ASTL: variants seen among roughly 807,000 people sequenced by gnomAD.
The protein encoded by ASTL is astacin like metalloendopeptidase.
In ASTL, 27 loss-of-function variants were observed where a neutral mutation model predicts 36.7. The ratio of observed to expected loss-of-function variants is 0.73; its 90% CI spans 0.54 to 1.01. ASTL has a LOEUF of 1.01. Among genes scored for constraint, ASTL ranks in the 50% least tolerant of loss-of-function variants. The pLI, the probability that ASTL is intolerant of heterozygous loss-of-function variation, is 0.00. For missense variants in ASTL, 524 were observed against 572.8 expected, an observed-to-expected ratio of 0.91 and a Z score of 0.87; for synonymous variants, 222 against 228.1, an observed-to-expected ratio of 0.97 and a Z score of 0.24.
intron 6 of ASTL, among the ~76,000 whole-genome samples, chr2:96,130,877 A>T (rs1362416747): frequency 6.6e-6 from 1 of 152,234 alleles, no homozygotes; most frequent in Non-Finnish European, 1.5e-5. Context: ...TAAGTAGTAT[A>T]TTCATTTGGT....
Position 96,124,647 on chromosome 2 carries a change from C to G in ASTL, c.875-376G>C, listed in dbSNP as rs1473101002. 7.2e-5 allele frequency among the ~76,000 whole-genome samples: 11 copies of G among 152,172 alleles called. No individual in the cohort carries two copies. The highest frequency in any genetic ancestry group is 2.7e-4 in the African/African-American group (11 of 41,416). Reference sequence around the variant, plus strand: ...CCACTTGCCCCGAACCCAAGACCTCCCCTAGAACTGTTCCTGCACTTAATG... The same window carrying G: ...CCACTTGCCCCGAACCCAAGACCTCGCCTAGAACTGTTCCTGCACTTAATG... On this transcript the variant is annotated intron_variant, in intron 8 of 8. Coordinates refer to ENST00000342380, the MANE Select transcript of ASTL (RefSeq NM_001002036.4). This position sits in a 1 kb window ranked among gnomAD's most constrained non-coding sequence, Gnocchi z 4.1.
intron 6 of ASTL, among the ~76,000 whole-genome samples, chr2:96,131,056 T>C: frequency 6.6e-6 from 1 of 152,188 alleles, no homozygotes; most frequent in Non-Finnish European, 1.5e-5. Context: ...GGAACAAATA[T>C]GTTCTCATTT....
At chr2:96,131,895 A>G (rs965282189) in intron 6 of ASTL, among the ~76,000 whole-genome samples, 3 of 152,078 alleles carry the variant, frequency 2.0e-5, no homozygotes, top group Admixed American at 6.5e-5. Context: ...CAGACCATCA[A>G]GCCCACAATG....
rs567859606 is a variant in ASTL at position 96,132,300 on chromosome 2, C to T, written c.637+240G>A. 2.6e-5 allele frequency among the ~76,000 whole-genome samples: 4 copies of T among 152,288 alleles called. No individual in the cohort carries two copies. Among genetic ancestry groups the T allele is most frequent in the East Asian group, 1.9e-4 (1 of 5,180 alleles). ...AGAAGCGAGACAAAGCAGGTGGTGG[C>T]GCCCTAGCTAAGGCACAACTACAGG... On this transcript the variant is annotated intron_variant, in intron 6 of 8. Transcript: ENST00000342380. This position sits in a 1 kb window ranked among gnomAD's most constrained non-coding sequence, Gnocchi z 5.4.
At chr2:96,133,167 C>G (rs1327846654) in intron 5 of ASTL, among the ~76,000 whole-genome samples, 1 of 152,206 alleles carries the variant, frequency 6.6e-6, no homozygotes, top group African/African-American at 2.4e-5. Context: ...GTCTGCCCCG[C>G]AAAACCTCCT....
chr2:96,132,600 C>T lies in ASTL; in HGVS notation c.577G>A (p.Glu193Lys), dbSNP rs746895908. The T allele has an allele frequency of 3.1e-6, 5 of 1,612,934 alleles. No homozygotes were observed. The highest frequency in any genetic ancestry group is 4.2e-6 in the Non-Finnish European group (5 of 1,179,228). Residue 193 changes from glutamate (E) to lysine (K), a missense_variant, in exon 6 of 9, where the codon GAG becomes AAG. Physicochemically the swap from Glu to Lys is moderately conservative, Grantham distance 56 (BLOSUM62 1). Coordinates refer to ENST00000342380, the MANE Select transcript of ASTL (RefSeq NM_001002036.4). This position sits in a 1 kb window ranked among gnomAD's most constrained non-coding sequence, Gnocchi z 5.4. ...ELMHVLGFWH[E>K]HTRADRDRYI... Reference sequence around the variant, plus strand: ...CGGTCCCGGTCGGCCCGCGTGTGCTCGTGCCAGAAGCCCAGCACATGCATG... The same window carrying T: ...CGGTCCCGGTCGGCCCGCGTGTGCTTGTGCCAGAAGCCCAGCACATGCATG...
intron 8 of ASTL, among the ~76,000 whole-genome samples, chr2:96,126,175 TC>T (rs1471862357): frequency 3.9e-5 from 6 of 152,180 alleles, no homozygotes; most frequent in African/African-American, 1.4e-4. Flanking sequence ...CAGTTGGACT[TC>T]CAAATTTAAG....
At position 96,132,680 on chromosome 2, in the gene ASTL, A is replaced by G. The variant is rs769572571; in HGVS notation, c.497T>C (p.Val166Ala). 2 of 1,612,956 alleles carry G rather than the reference A, an allele frequency of 1.2e-6. No homozygotes were observed. The highest frequency in any genetic ancestry group is 3.3e-5 in the Admixed American group (2 of 59,990). Residue 166 changes from valine to alanine, a missense_variant, in exon 6 of 9, where the codon GTC becomes GCC. Coordinates refer to ENST00000342380, the MANE Select transcript of ASTL (RefSeq NM_001002036.4). This position sits in a 1 kb window ranked among gnomAD's most constrained non-coding sequence, Gnocchi z 5.4. ...SVGRSGGMQV[V>A]SLAPTCLQKG... ...CTGGAGACACGTGGGCGCCAGGGAG[A>G]CCACCTGCATCCCTCCACTGCGCCC...
At chr2:96,131,639 G>A (rs756447787) in intron 6 of ASTL, among the ~76,000 whole-genome samples, 17 of 151,984 alleles carry the variant, frequency 1.1e-4, no homozygotes, top group Non-Finnish European at 1.9e-4. Flanking sequence ...CACGTGCCCC[G>A]TCACCCCTTT....
In ASTL at chr2:96,123,527, C is replaced by A. The variant is rs1297789888; in HGVS notation, c.*323G>T. Among the ~76,000 whole-genome samples, 1 of 152,166 alleles carries A rather than the reference C, an allele frequency of 6.6e-6. No individual in the cohort carries two copies. The highest frequency in any genetic ancestry group is 2.4e-5 in the African/African-American group (1 of 41,434). On this transcript the variant is annotated 3_prime_UTR_variant, in exon 9 of 9. Transcript: ENST00000342380. ...ATTCCAGGGTTCTGCGGGGCTGGAA[C>A]CTACCTCTTCCCCACCCCTTCCAGG...
Position 96,123,927 on chromosome 2 carries a change from C to G in ASTL, c.1219G>C (p.Val407Leu). The change falls in exon 9 of 9, where the codon GTC becomes CTC. Residue 407 changes from valine (V) to leucine (L), a missense_variant. Coordinates refer to ENST00000342380, the MANE Select transcript of ASTL (RefSeq NM_001002036.4). ...VPSSEAGIQP[V>L]PVQGSPALPG... ...AGAGCTGGGCTTCCCTGGACAGGGA[C>G]TGGCTGGATTCCTGCTTCTGAAGAT... 1 of 1,614,000 alleles carries G rather than the reference C, an allele frequency of 6.2e-7. No individual in the cohort carries two copies. The highest frequency in any genetic ancestry group is 8.5e-7 in the Non-Finnish European group (1 of 1,179,944).
chr2:96,127,163 T>C (rs748993766), intron 8 of ASTL, among the ~76,000 whole-genome samples: 12 of 152,182 alleles, frequency 7.9e-5, no homozygotes, highest in Non-Finnish European at 1.6e-4. Context: ...ATTCCACTTA[T>C]GGGAAATGTC....
chr2:96,130,300 C>T (rs1196191453), intron 6 of ASTL, among the ~76,000 whole-genome samples, 155 bp from the exon 7 acceptor site: 1 of 152,196 alleles, frequency 6.6e-6, no homozygotes, highest in African/African-American at 2.4e-5. Flanking sequence ...ACCAGTCCCA[C>T]TTTCCCAGCC....
rs911991613 is a variant in ASTL at position 96,124,719 on chromosome 2, C to T, written c.875-448G>A. Among the ~76,000 whole-genome samples, 28 of 152,168 alleles carry T rather than the reference C, an allele frequency of 1.8e-4. No individual in the cohort carries two copies. Among genetic ancestry groups the T allele is most frequent in the Non-Finnish European group, 3.5e-4 (24 of 68,016 alleles). ...GTGCCAGGAGGTAGGTTGGGGCTTC[C>T]TTGTTCTTCACTGTCATGCCAGACT... On this transcript the variant is annotated intron_variant, in intron 8 of 8. Transcript: ENST00000342380. This position sits in a 1 kb window ranked among gnomAD's most constrained non-coding sequence, Gnocchi z 4.1.
chr2:96,124,271 C>T lies in ASTL; in HGVS notation c.875G>A (p.Gly292Glu). ...CCTACCAGTGCTGTGGGCATGGGAC[C>T]CTGCAACAGAAAAGACAGGAGGTGG... ...SPSGPRPRGRGSHAHSTGRSP... is the reference protein window; with the variant it reads ...SPSGPRPRGRESHAHSTGRSP... Residue 292 changes from glycine (G) to glutamate (E), a missense_variant and splice_region_variant, in exon 9 of 9, where the codon GGG (glycine) becomes GAG (glutamate). By Grantham distance (98) the Gly-to-Glu change is moderately conservative. Transcript: ENST00000342380. The surrounding 1 kb of genome is among the most constrained non-coding windows in gnomAD (Gnocchi z 4.1). 3.3e-6 allele frequency: 5 copies of T among 1,503,922 alleles called. No homozygotes were observed. The highest frequency in any genetic ancestry group is 4.4e-6 in the Non-Finnish European group (5 of 1,127,674). 93.2% of individuals were successfully genotyped at this position (1,503,922 alleles called of 1,614,324 possible).
intron 1 of ASTL, 84 bp downstream of exon 1, chr2:96,138,298 C>T: frequency 7.8e-7 from 1 of 1,285,646 alleles, no homozygotes; most frequent in African/African-American, 1.5e-5. Flanking sequence ...ACAATCCCTG[C>T]AGGCTCCAGC....
chr2:96,128,388 C>A (rs1237844595), intron 8 of ASTL, among the ~76,000 whole-genome samples: 1 of 152,192 alleles, frequency 6.6e-6, no homozygotes, highest in African/African-American at 2.4e-5. Flanking sequence ...ATCCCAAGGT[C>A]ATGAAGAGAT....
chr2:96,137,789 C>A, intron 1 of ASTL, 89 bp from the exon 2 acceptor site: 1 of 1,366,810 alleles, frequency 7.3e-7, no homozygotes, highest in South Asian at 1.3e-5. Flanking sequence ...TGTGGGGGAT[C>A]AGACGGTAAG....
intron 8 of ASTL, among the ~76,000 whole-genome samples, chr2:96,125,966 T>A (rs1226059936): frequency 1.3e-5 from 2 of 152,084 alleles, no homozygotes; most frequent in Non-Finnish European, 2.9e-5. Context: ...GAAAGAATGG[T>A]GCTGGAACAA....
Sources: allele counts gnomAD v4.1 joint callset (sites outside exome capture counted in the v4.1 genomes callset), GRCh38; gene constraint gnomAD v4.1.1; non-coding constraint Gnocchi (gnomAD v3.1); transcripts MANE v1.5; gene names NCBI Gene and HGNC (gene_info 2026-07-23, HGNC 2026-07-21).